PSMA7: variants seen among roughly 807,000 people sequenced by gnomAD.
The protein encoded by PSMA7 is proteasome 20S subunit alpha 7.
PSMA7 carries 5 observed loss-of-function variants against 31.3 expected under a neutral mutation model. That is an observed-to-expected ratio of 0.16 (90% confidence interval 0.08 to 0.34). The LOEUF (loss-of-function observed/expected upper bound fraction) is 0.34, where lower values mean the gene tolerates loss of function less well. PSMA7 is among the 10% of genes least tolerant of loss of function. The pLI, the probability that PSMA7 is intolerant of heterozygous loss-of-function variation, is 1.00. For missense variants in PSMA7, 217 were observed against 327.5 expected, an observed-to-expected ratio of 0.66 and a Z score of 2.60; for synonymous variants, 155 against 121.9, an observed-to-expected ratio of 1.27 and a Z score of -1.79.
chr20:62,143,260 T>C lies in PSMA7; in HGVS notation c.44A>G (p.His15Arg), dbSNP rs2145671280. ...RAITVFSPDG[H>R]LFQVEYAQEA... is the part of the protein sequence containing the mutation. ...CTGCGCGTACTCCACTTGGAAGAGGTGGCCGTCGGGCGAGAAGACGGTGAT... is the reference window on the plus strand; with the variant it reads ...CTGCGCGTACTCCACTTGGAAGAGGCGGCCGTCGGGCGAGAAGACGGTGAT... Residue 15 changes from histidine (H) to arginine (R), a missense_variant, in exon 1 of 7, where the codon CAC (histidine) becomes CGC (arginine). Physicochemically the swap from His to Arg is conservative, Grantham distance 29. Coordinates refer to ENST00000370873, the MANE Select transcript of PSMA7 (RefSeq NM_002792.4). 2 of 1,474,644 alleles carry C rather than the reference T, an allele frequency of 1.4e-6. No individual in the cohort carries two copies. Among genetic ancestry groups the C allele is most frequent in the East Asian group, 3.1e-5 (1 of 32,774 alleles). 91.3% of individuals were successfully genotyped at this position (1,474,644 alleles called of 1,614,324 possible). A position where few individuals can be genotyped will look rare whatever the true frequency, so the allele number is the denominator to read the frequency against.
Position 62,140,891 on chromosome 20 carries a change from C to G in PSMA7, c.150G>C (p.Val50=). The G allele has an allele frequency of 6.2e-7, 1 of 1,614,208 alleles. No individual in the cohort carries two copies. Among genetic ancestry groups the G allele is most frequent in the South Asian group, 1.1e-5 (1 of 91,084 alleles). Residue 50 remains valine (V), a synonymous_variant, in exon 2 of 7, where the codon GTG becomes GTC. Coordinates refer to ENST00000370873, the MANE Select transcript of PSMA7 (RefSeq NM_002792.4). Reference sequence around the variant, plus strand: ...CTGTTCTTTCATCCTGCAGTTTGGCCACTGACTTCTTCTCCACACCAAGAA... The same window carrying G: ...CTGTTCTTTCATCCTGCAGTTTGGCGACTGACTTCTTCTCCACACCAAGAA... ...IVVLGVEKKS[V]AKLQDERTVR... is the part of the protein sequence containing the mutation.
intron 4 of PSMA7, 137 bp from the exon 5 acceptor site, chr20:62,138,427 T>G (rs1420346655): frequency 1.4e-5 from 16 of 1,143,090 alleles, no homozygotes; most frequent in Non-Finnish European, 1.6e-5. Context: ...ACAGCAGCTG[T>G]GGACACAGGC....
chr20:62,137,286 C>T (rs2056901070), intron 6 of PSMA7, 78 bp downstream of exon 6: 1 of 1,439,694 alleles, frequency 6.9e-7, no homozygotes, highest in African/African-American at 1.4e-5. Context: ...ATGATGTTTC[C>T]TTCGGAACTG....
intron 4 of PSMA7, 82 bp from the exon 5 acceptor site, chr20:62,138,372 G>A: frequency 6.7e-7 from 1 of 1,502,906 alleles, no homozygotes; most frequent in South Asian, 1.3e-5. Flanking sequence ...CCCTACATGG[G>A]CCGCCCAGCC....
intron 2 of PSMA7, among the ~76,000 whole-genome samples, chr20:62,140,289 C>G (rs1349091788): frequency 6.6e-6 from 1 of 152,228 alleles, no homozygotes; most frequent in Non-Finnish European, 1.5e-5. Context: ...TACTTAAATA[C>G]AGTACCTGAG....
intron 1 of PSMA7, 110 bp downstream of exon 1, chr20:62,143,098 G>A (rs1228347380): frequency 4.1e-5 from 24 of 578,816 alleles, no homozygotes; most frequent in Non-Finnish European, 4.8e-5. Context: ...CCGCTGCCCC[G>A]CGCACGCCCG....
At chr20:62,137,659 AG>A (rs1416077804) in intron 5 of PSMA7, among the ~76,000 whole-genome samples, 1 of 152,186 alleles carries the variant, frequency 6.6e-6, no homozygotes, top group African/African-American at 2.4e-5. Flanking sequence ...TCTCCTGCAC[AG>A]TAGCGCTGCT....
chr20:62,140,116 G>A (rs1321235979), intron 2 of PSMA7, among the ~76,000 whole-genome samples: 2 of 152,064 alleles, frequency 1.3e-5, no homozygotes, highest in Admixed American at 1.3e-4. Context: ...GTGGTATCCC[G>A]CTAAACTCAT....
chr20:62,143,387 G>T lies in PSMA7; in HGVS notation c.-84C>A. ...CCCGCGCGCACCCGCGACTCCCGGC[G>T]CCACTACGCCCGCGCCCCACCCTCG... On this transcript the variant is annotated 5_prime_UTR_variant, in exon 1 of 7. Coordinates refer to ENST00000370873, the MANE Select transcript of PSMA7 (RefSeq NM_002792.4). 1 of 743,130 alleles carries T rather than the reference G, an allele frequency of 1.3e-6. No homozygotes were observed. The highest frequency in any genetic ancestry group is 1.8e-6 in the Non-Finnish European group (1 of 564,878). 46.0% of individuals were successfully genotyped at this position (743,130 alleles called of 1,614,324 possible).
chr20:62,139,288 ACCATGCCTGAGCC>A (rs2056913284), intron 3 of PSMA7, 91 bp from the exon 4 acceptor site: 1 of 1,479,948 alleles, frequency 6.8e-7, no homozygotes, highest in Non-Finnish European at 9.2e-7. Flanking sequence ...AACATTTTAA[ACCATGCCTGAGCC>A]CCTTCTCAGG....
At chr20:62,137,580 T>C (rs757050850) in intron 5 of PSMA7, 154 bp from the exon 6 acceptor site, 48 of 711,162 alleles carry the variant, frequency 6.7e-5, no homozygotes, top group Middle Eastern at 2.4e-4. Context: ...TGTCCTAAAC[T>C]CATGGCCATT....
intron 2 of PSMA7, among the ~76,000 whole-genome samples, 195 bp downstream of exon 2, chr20:62,140,623 G>C (rs200454389): frequency 7.3e-6 from 1 of 137,610 alleles, no homozygotes; most frequent in South Asian, 2.3e-4. Flanking sequence ...TTAGCCATTT[G>C]TTTCACCTGC....
intron 5 of PSMA7, among the ~76,000 whole-genome samples, chr20:62,137,905 C>T (rs2056904706): frequency 6.6e-6 from 1 of 152,226 alleles, no homozygotes; most frequent in Admixed American, 6.5e-5. Context: ...GGTTCACATC[C>T]TGCCTCTGGT....
chr20:62,143,311 G>A lies in PSMA7; in HGVS notation c.-8C>T, dbSNP rs767849407. 2.1e-6 allele frequency: 3 copies of A among 1,400,166 alleles called. No homozygotes were observed. The highest frequency in any genetic ancestry group is 2.8e-6 in the Non-Finnish European group (3 of 1,061,914). The allele number at this position is 1,400,166 out of a possible 1,614,324, so 86.7% of individuals were successfully genotyped here. The stretch of plus-strand genomic sequence containing the variant: ...GGCGCGGTCGTAGCTCATGCCGGCG[G>A]GCGGCGGCCGGGCTCCTTCCGCCGC... On this transcript the variant is annotated 5_prime_UTR_variant, in exon 1 of 7. Coordinates refer to ENST00000370873, the MANE Select transcript of PSMA7 (RefSeq NM_002792.4).
Position 62,140,899 on chromosome 20 carries a change from T to A in PSMA7, c.142A>T (p.Lys48Ter). 1.9e-6 allele frequency: 3 copies of A among 1,614,192 alleles called. No individual in the cohort carries two copies. Among genetic ancestry groups the A allele is most frequent in the Non-Finnish European group, 2.5e-6 (3 of 1,180,020 alleles). The part of the protein sequence containing the change: ...RDIVVLGVEK[K>*]SVAKLQDERT... ...TCATCCTGCAGTTTGGCCACTGACT[T>A]CTTCTCCACACCAAGAACAACAATG... The change falls in exon 2 of 7, where the codon AAG becomes TAG. Residue 48 changes from lysine to a stop codon, truncating the protein, a stop_gained. Transcript: ENST00000370873. LOFTEE classifies it high-confidence loss of function.
At chr20:62,138,890 C>T (rs773711342) in intron 4 of PSMA7, among the ~76,000 whole-genome samples, 185 bp downstream of exon 4, 78 of 152,322 alleles carry the variant, frequency 5.1e-4, no homozygotes, top group Admixed American at 2.0e-3. Context: ...TACGCTTACA[C>T]CTTGCTGCCC....
intron 3 of PSMA7, 115 bp downstream of exon 3, chr20:62,139,666 G>A (rs774980375): frequency 3.3e-6 from 5 of 1,535,500 alleles, no homozygotes; most frequent in Admixed American, 3.4e-5. Context: ...TTAGGATCAC[G>A]CCCCAGAATA....
intron 1 of PSMA7, 137 bp from the exon 2 acceptor site, chr20:62,141,081 C>T: frequency 9.0e-7 from 1 of 1,115,546 alleles, no homozygotes; most frequent in Non-Finnish European, 1.3e-6. Context: ...ACCAGCCGGA[C>T]AACATGGGAA....
intron 2 of PSMA7, among the ~76,000 whole-genome samples, chr20:62,140,122 CTCA>C (rs2056918755): frequency 6.6e-6 from 1 of 152,154 alleles, no homozygotes; most frequent in East Asian, 1.9e-4. Context: ...TCCCGCTAAA[CTCA>C]TCGTAAGTCA....
Sources: gnomAD v4.1 joint callset for allele counts (sites outside exome capture counted in the v4.1 genomes callset) on GRCh38, gnomAD v4.1.1 for gene constraint, MANE v1.5 for transcripts, NCBI Gene and HGNC (gene_info 2026-07-23, HGNC 2026-07-21) for gene names.